Variants in RBM27 observed in about 807,000 individuals in gnomAD.
The protein encoded by RBM27 is RNA-binding protein 27.
Under a neutral mutation model 135.3 loss-of-function variants are expected in RBM27, and 22 were observed. The ratio of observed to expected loss-of-function variants is 0.16; its 90% confidence interval spans 0.12 to 0.23. The LOEUF (loss-of-function observed/expected upper bound fraction) is 0.23. RBM27 is among the 10% of genes least tolerant of loss of function. RBM27 has a pLI of 1.00. For synonymous variants in RBM27, 481 were observed against 442.4 expected, an observed-to-expected ratio of 1.09 and a Z score of -1.10; for missense variants, 1,009 against 1,281.0, an observed-to-expected ratio of 0.79 and a Z score of 3.24.
At chr5:146,225,932 G>A (rs1175739809) in intron 3 of RBM27, among the ~76,000 whole-genome samples, 3 of 151,772 alleles carry the variant, frequency 2.0e-5, no homozygotes, top group African/African-American at 4.8e-5. Context: ...GCGCGATCTC[G>A]GCCCATTGCA....
intron 8 of RBM27, among the ~76,000 whole-genome samples, chr5:146,249,974 G>GTA (rs1449983965): frequency 6.6e-6 from 1 of 152,148 alleles, no homozygotes; most frequent in Admixed American, 6.5e-5. Flanking sequence ...CAGTTATACA[G>GTA]TATGATTTGT....
Position 146,284,640 on chromosome 5 carries a change from A to G in RBM27, c.3007A>G (p.Lys1003Glu). 1.2e-6 allele frequency: 2 copies of G among 1,613,046 alleles called. No individual in the cohort carries two copies. Among genetic ancestry groups the G allele is most frequent in the Non-Finnish European group, 1.7e-6 (2 of 1,179,378 alleles). ...ATTTTAGACCGCAAACCAAGGGCCA[A>G]AATTTAAAGACCGTCGGCTACAGAT... Reference protein sequence around the residue: ...QHFSTANQGPKFKDRRLQISW... With the variant: ...QHFSTANQGPEFKDRRLQISW... Residue 1003 changes from lysine (K) to glutamate (E), a missense_variant, in exon 20 of 21, where the codon AAA becomes GAA. Physicochemically the swap from Lys to Glu is moderately conservative, Grantham distance 56. Transcript: ENST00000265271.
chr5:146,265,676 A>G (rs569483750), intron 14 of RBM27, among the ~76,000 whole-genome samples: 1 of 152,346 alleles, frequency 6.6e-6, no homozygotes, highest in African/African-American at 2.4e-5. Context: ...TCCTAATGTG[A>G]TATACCCTGA....
Position 146,258,479 on chromosome 5 carries a change from C to T in RBM27, c.1625C>T (p.Pro542Leu). The T allele has an allele frequency of 1.3e-6, 2 of 1,595,450 alleles. No individual in the cohort carries two copies. Among genetic ancestry groups the T allele is most frequent in the South Asian group, 1.1e-5 (1 of 87,990 alleles). The change falls in exon 11 of 21, where the codon CCA becomes CTA. Residue 542 changes from proline to leucine, a missense_variant. Around this residue, in one of 6 missense-constraint regions of RBM27, gnomAD observed 329 missense variants for 368.1 expected, o/e 0.89. Transcript: ENST00000265271. ...AANIVIQTEP[P>L]VPVSINSNIT... is the part of the protein sequence containing the mutation. ...AACATTGTGATCCAGACTGAACCAC[C>T]AGTTCCTGTTTCGATTAATAGCAAC...
At chr5:146,231,406 A>G (rs919790306) in intron 6 of RBM27, among the ~76,000 whole-genome samples, 3 of 151,686 alleles carry the variant, frequency 2.0e-5, no homozygotes, top group South Asian at 2.1e-4. Context: ...CACCATGCCT[A>G]TAGTCCAAAT....
intron 15 of RBM27, 43 bp from the exon 16 acceptor site, chr5:146,269,164 G>T: frequency 7.0e-7 from 1 of 1,436,038 alleles, no homozygotes; most frequent in Non-Finnish European, 9.6e-7. Context: ...GAGAATGGTG[G>T]CAAATTACAT....
At chr5:146,229,693 G>A in intron 4 of RBM27, 24 bp from the exon 5 acceptor site, 1 of 1,555,094 alleles carries the variant, frequency 6.4e-7, no homozygotes, top group Non-Finnish European at 8.8e-7. Flanking sequence ...GCCTGCATAT[G>A]GCTTTTATAT....
intron 15 of RBM27, among the ~76,000 whole-genome samples, chr5:146,268,197 A>T (rs915513382): frequency 6.6e-6 from 1 of 152,112 alleles, no homozygotes; most frequent in East Asian, 1.9e-4. Flanking sequence ...GTGGGAGGCA[A>T]AATTTTCCTG....
At chr5:146,210,730 G>A (rs777311163) in intron 1 of RBM27, among the ~76,000 whole-genome samples, 16 of 150,498 alleles carry the variant, frequency 1.1e-4, no homozygotes, top group Admixed American at 8.6e-4. Context: ...GGCAGATCAC[G>A]AGGTGGGGAG....
intron 8 of RBM27, among the ~76,000 whole-genome samples, chr5:146,250,770 C>CTTTTTTTTTTTTTTTTTT (rs58027855): frequency 2.8e-4 from 20 of 72,670 alleles, no homozygotes; most frequent in East Asian, 4.6e-4. Context: ...TTTTTTTGTC[C>CTTTTTTTTTTTTTTTTTT]TTTTTTTTTT....
chr5:146,231,611 T>TTTTA (rs1181111956), intron 6 of RBM27, among the ~76,000 whole-genome samples: 8 of 152,034 alleles, frequency 5.3e-5, no homozygotes, highest in African/African-American at 1.7e-4. Context: ...TTTAAAAGAA[T>TTTTA]TTTATTTATT....
chr5:146,204,589 A>C (rs1755546077), intron 1 of RBM27, among the ~76,000 whole-genome samples: 1 of 152,198 alleles, frequency 6.6e-6, no homozygotes, highest in African/African-American at 2.4e-5. Context: ...AAAGGGCTAC[A>C]CTGGTATGCA....
chr5:146,209,888 T>C (rs1049229526), intron 1 of RBM27, among the ~76,000 whole-genome samples: 1 of 152,148 alleles, frequency 6.6e-6, no homozygotes, highest in Non-Finnish European at 1.5e-5. Context: ...CTTAAGAACA[T>C]ATTTGTTCTT....
chr5:146,266,644 GT>G (rs1758631138), intron 14 of RBM27, among the ~76,000 whole-genome samples: 1 of 152,140 alleles, frequency 6.6e-6, no homozygotes, highest in Non-Finnish European at 1.5e-5. Context: ...TAATTAAGAA[GT>G]TTTTAAAAAG....
intron 19 of RBM27, among the ~76,000 whole-genome samples, chr5:146,275,811 T>C (rs1030011443): frequency 1.3e-5 from 2 of 152,222 alleles, no homozygotes; most frequent in African/African-American, 4.8e-5. Context: ...TTTCTCTAAA[T>C]ATTTGGAATA....
rs371927743 is a variant in RBM27, at chr5:146,204,530, T to C, written c.59+706T>C. Among the ~76,000 whole-genome samples the C allele has an allele frequency of 3.3e-4, 19 of 57,878 alleles. 1 individual carries two copies. Among genetic ancestry groups the C allele is most frequent in the African/African-American group, 1.4e-3 (16 of 11,160 alleles). 38.0% of individuals were successfully genotyped at this position (57,878 alleles called of 152,430 possible). A position where few individuals can be genotyped will look rare whatever the true frequency, so the allele number is the denominator to read the frequency against. Reference sequence around the variant, plus strand: ...GCTAGGGGAACTGATGACTTTTAGATACATAGAGGTTGGAAAAAAGAGGTT... The same window carrying C: ...GCTAGGGGAACTGATGACTTTTAGACACATAGAGGTTGGAAAAAAGAGGTT... On this transcript the variant is annotated intron_variant, in intron 1 of 20. Transcript: ENST00000265271.
At chr5:146,251,631 A>G (rs1036605236) in intron 8 of RBM27, 80 bp from the exon 9 acceptor site, 10 of 1,366,538 alleles carry the variant, frequency 7.3e-6, no homozygotes, top group South Asian at 5.2e-5. Flanking sequence ...TTTTGGCTCA[A>G]AGTCTCAGGA....
intron 19 of RBM27, among the ~76,000 whole-genome samples, chr5:146,284,368 T>C (rs1431570827): frequency 1.3e-5 from 2 of 152,212 alleles, no homozygotes; most frequent in Non-Finnish European, 2.9e-5. Context: ...AAAAAAATTA[T>C]TTCTTCAACC....
chr5:146,276,172 C>T (rs1164865012), intron 19 of RBM27, among the ~76,000 whole-genome samples: 5 of 151,974 alleles, frequency 3.3e-5, no homozygotes, highest in African/African-American at 1.2e-4. Context: ...CTTCCCACCT[C>T]TCCAGTTTTT....
Sources: gnomAD v4.1 joint callset for allele counts (sites outside exome capture counted in the v4.1 genomes callset) on GRCh38, gnomAD v4.1.1 for gene constraint, gnomAD v4.1.1 regional missense constraint, MANE v1.5 for transcripts, NCBI Gene and HGNC (gene_info 2026-07-23, HGNC 2026-07-21) for gene names.